SIN3B: variants seen among roughly 807,000 people sequenced by gnomAD.
SIN3B encodes SIN3 transcription regulator family member B, also known as paired amphipathic helix protein Sin3b.
A neutral mutation model predicts 120.2 loss-of-function variants in SIN3B; 19 were observed. The observed-to-expected ratio is 0.16, with a 90% confidence interval of 0.11 to 0.23. The LOEUF (loss-of-function observed/expected upper bound fraction) is 0.23, where lower values mean the gene tolerates loss of function less well. Ranked by LOEUF, SIN3B falls within the 10% of genes least tolerant of loss-of-function variation. SIN3B has a pLI of 1.00. For synonymous variants in SIN3B, 654 were observed against 653.2 expected (o/e 1.00, Z -0.02); for missense variants, 1,073 against 1,573.0 (o/e 0.68, Z 5.38).
chr19:16,846,446 G>A (rs1453909049), intron 4 of SIN3B: 2 of 152,562 alleles, frequency 1.3e-5, no homozygotes, highest in Non-Finnish European at 1.5e-5. Flanking sequence ...AAATTGATAC[G>A]GACGTATTTC....
intron 8 of SIN3B, among the ~76,000 whole-genome samples, chr19:16,856,695 C>T (rs1971618612): frequency 6.6e-6 from 1 of 152,062 alleles, no homozygotes; most frequent in Admixed American, 6.6e-5. Flanking sequence ...CCTCATCCTC[C>T]TGAGTAGCTG....
At chr19:16,849,129 G>A (rs1186198865) in intron 5 of SIN3B, among the ~76,000 whole-genome samples, 1 of 152,200 alleles carries the variant, frequency 6.6e-6, no homozygotes, top group African/African-American at 2.4e-5. Context: ...CATCTGTTGT[G>A]TGAAGTATAA....
At chr19:16,839,722 C>G (rs993143352) in intron 3 of SIN3B, among the ~76,000 whole-genome samples, 1 of 152,120 alleles carries the variant, frequency 6.6e-6, no homozygotes, top group Non-Finnish European at 1.5e-5. Flanking sequence ...GAGAATCTTA[C>G]AACAAACCCC....
Position 16,837,874 on chromosome 19 carries a change from TG to T in SIN3B, c.382-3888del, listed in dbSNP as rs1158669514. ...CTGAGGTGCATAAGGCCAGGGCAGT[TG>T]GGGGGCTGCTATGTGTCTGTGCGGT... On this transcript the variant is annotated intron_variant, in intron 3 of 18. Coordinates refer to ENST00000248054, the MANE Select transcript of SIN3B (RefSeq NM_001297595.2). 9.2e-5 allele frequency among the ~76,000 whole-genome samples: 14 copies of T among 152,068 alleles called. No homozygotes were observed. The East Asian group carries it at 2.7e-3, about 29-fold the overall frequency.
chr19:16,851,849 C>T (rs1233471406), intron 6 of SIN3B, among the ~76,000 whole-genome samples: 1 of 152,218 alleles, frequency 6.6e-6, no homozygotes, highest in Non-Finnish European at 1.5e-5. Context: ...CAGGCAAGGC[C>T]GCCATGTACG....
At chr19:16,873,298 C>T (rs935315970) in intron 14 of SIN3B, among the ~76,000 whole-genome samples, 15 of 152,140 alleles carry the variant, frequency 9.9e-5, no homozygotes, top group Non-Finnish European at 2.1e-4. Context: ...GCCATGAGGA[C>T]TTAGTGAAAC....
intron 8 of SIN3B, among the ~76,000 whole-genome samples, chr19:16,856,258 C>T (rs1480458510): frequency 2.6e-5 from 4 of 151,976 alleles, no homozygotes; most frequent in East Asian, 1.9e-4. Flanking sequence ...TAGGAGTAGG[C>T]GGGCCTGTGA....
chr19:16,866,302 G>A, intron 11 of SIN3B, 71 bp from the exon 12 acceptor site: 1 of 1,486,482 alleles, frequency 6.7e-7, no homozygotes, highest in South Asian at 1.3e-5. Context: ...GAGGAAGACA[G>A]GCCAGCCCTG....
chr19:16,877,554 C>T lies in SIN3B; in HGVS notation c.2869C>T (p.Arg957Trp), dbSNP rs1478069292. 4.4e-6 allele frequency: 7 copies of T among 1,608,432 alleles called. No individual in the cohort carries two copies. The highest frequency in any genetic ancestry group is 1.3e-5 in the African/African-American group (1 of 74,878). ...CTCTCCCTGTCCCCAGCACCTGGCT[C>T]GGTACGTGGAGCAGTATGTGGGGAC... ...EDPVEVQHLA[R>W]YVEQYVGTEG... Residue 957 changes from arginine to tryptophan, a missense_variant, in exon 17 of 19, where the codon CGG (arginine) becomes TGG (tryptophan). This residue lies in a region of SIN3B where 311 missense variants were observed against 400.3 expected (regional missense o/e 0.78). Transcript: ENST00000248054.
intron 4 of SIN3B, among the ~76,000 whole-genome samples, chr19:16,845,973 G>C (rs1971473487): frequency 6.6e-6 from 1 of 151,924 alleles, no homozygotes; most frequent in Non-Finnish European, 1.5e-5. Context: ...GGGTCTCACT[G>C]TATTGCCCAG....
chr19:16,839,023 G>A (rs1460301907), intron 3 of SIN3B, among the ~76,000 whole-genome samples: 1 of 145,414 alleles, frequency 6.9e-6, no homozygotes, highest in East Asian at 2.0e-4. Context: ...TCCCAGGCTG[G>A]AGTGCGGTGG....
Position 16,869,590 on chromosome 19 carries a change from C to T in SIN3B, c.1937C>T (p.Ala646Val). 6.2e-7 allele frequency: 1 copy of T among 1,613,542 alleles called. No individual in the cohort carries two copies. The highest frequency in any genetic ancestry group is 8.5e-7 in the Non-Finnish European group (1 of 1,180,028). The change falls in exon 13 of 19, where the codon GCC becomes GTC. Residue 646 changes from alanine to valine, a missense_variant. This residue lies in a region of SIN3B where 169 missense variants were observed against 207.3 expected (regional missense o/e 0.82). Transcript: ENST00000248054. Reference sequence around the variant, plus strand: ...AGCTACTACGTGAAGCGGCAGCCGGCCATCCAGAAGGAGGACCAGGGCACC... The same window carrying T: ...AGCTACTACGTGAAGCGGCAGCCGGTCATCCAGAAGGAGGACCAGGGCACC... The part of the protein sequence containing the change: ...LISYYVKRQP[A>V]IQKEDQGTIH...
chr19:16,840,185 C>T (rs1478933261), intron 3 of SIN3B, among the ~76,000 whole-genome samples: 2 of 152,120 alleles, frequency 1.3e-5, no homozygotes, highest in Admixed American at 6.5e-5. Flanking sequence ...TGTATTTTAG[C>T]CCTAGCCCCA....
Position 16,878,515 on chromosome 19 carries a change from C to G in SIN3B, c.3181C>G (p.Leu1061Val). The G allele has an allele frequency of 6.3e-7, 1 of 1,579,872 alleles. No individual in the cohort carries two copies. The highest frequency in any genetic ancestry group is 8.6e-7 in the Non-Finnish European group (1 of 1,163,322). Reference sequence around the variant, plus strand: ...TCAACAGGTGCAGCCCCTGGTCCTGCTCCGCCACCACCAGCACTTTGAGGA... The same window carrying G: ...TCAACAGGTGCAGCCCCTGGTCCTGGTCCGCCACCACCAGCACTTTGAGGA... ...RAKQVQPLVLLRHHQHFEEWH... is the reference protein window; with the variant it reads ...RAKQVQPLVLVRHHQHFEEWH... The change falls in exon 19 of 19, where the codon CTC (leucine) becomes GTC (valine). Residue 1061 changes from leucine to valine, a missense_variant. Physicochemically the swap from Leu to Val is conservative, Grantham distance 32. Around this residue, in one of 7 missense-constraint regions of SIN3B, gnomAD observed 311 missense variants for 400.3 expected, o/e 0.78. Transcript: ENST00000248054.
chr19:16,835,780 A>C (rs1398263838), intron 3 of SIN3B, among the ~76,000 whole-genome samples: 1 of 152,192 alleles, frequency 6.6e-6, no homozygotes, highest in African/African-American at 2.4e-5. Flanking sequence ...CAGCCTCCCA[A>C]AGTGTTGAGA....
chr19:16,862,928 C>T lies in SIN3B; in HGVS notation c.1266+369C>T. On this transcript the variant is annotated intron_variant, in intron 9 of 18. Transcript: ENST00000248054. The surrounding 1 kb of genome is among the most constrained non-coding windows in gnomAD (Gnocchi z 4.7). The stretch of plus-strand genomic sequence containing the variant: ...TCCAGGGTTCGTGGACAGACGATTA[C>T]TGCATGTCCAAGTTCAAGAATACCT... 1 of 1,614,262 alleles carries T rather than the reference C, an allele frequency of 6.2e-7. No homozygotes were observed. The highest frequency in any genetic ancestry group is 8.5e-7 in the Non-Finnish European group (1 of 1,180,034).
intron 1 of SIN3B, 57 bp from the exon 2 acceptor site, chr19:16,829,734 C>A: frequency 1.4e-6 from 2 of 1,469,850 alleles, no homozygotes; most frequent in Non-Finnish European, 1.9e-6. Context: ...GGGACCCCGG[C>A]CCCTCGTCCC....
chr19:16,846,910 G>A (rs760513323), intron 4 of SIN3B, 60 bp from the exon 5 acceptor site: 293 of 1,558,802 alleles, frequency 1.9e-4, no homozygotes, highest in Middle Eastern at 5.2e-4. Flanking sequence ...TGAGTGTCCC[G>A]GCCCAGGGCA....
intron 8 of SIN3B, among the ~76,000 whole-genome samples, chr19:16,858,427 C>T (rs1286092735): frequency 2.6e-5 from 4 of 152,294 alleles, no homozygotes; most frequent in South Asian, 2.1e-4. Flanking sequence ...TCCCTAGTCA[C>T]GGCCTCAGAG....
Sources: allele counts gnomAD v4.1 joint callset (sites outside exome capture counted in the v4.1 genomes callset), GRCh38; gene constraint gnomAD v4.1.1; regional missense constraint gnomAD v4.1.1; non-coding constraint Gnocchi (gnomAD v3.1); transcripts MANE v1.5; gene names NCBI Gene and HGNC (gene_info 2026-07-23, HGNC 2026-07-21).